Variants in SPON1 observed in about 807,000 individuals in gnomAD.
SPON1 encodes the protein spondin 1, also known as spondin-1.
Under a neutral mutation model 111.7 loss-of-function variants are expected in SPON1, and 52 were observed. That is an observed-to-expected ratio of 0.47 (90% CI 0.37 to 0.59). The LOEUF (loss-of-function observed/expected upper bound fraction) is 0.59, where lower values mean the gene tolerates loss of function less well. Ranked by LOEUF, SPON1 falls within the 20% of genes least tolerant of loss-of-function variation. The pLI is 0.00. For synonymous variants in SPON1, 410 were observed against 395.8 expected, an observed-to-expected ratio of 1.04 and a Z score of -0.43; for missense variants, 957 against 1,068.5, an observed-to-expected ratio of 0.90 and a Z score of 1.46.
chr11:14,156,677 T>C (rs1847850186), intron 6 of SPON1, among the ~76,000 whole-genome samples: 1 of 152,130 alleles, frequency 6.6e-6, no homozygotes, highest in Non-Finnish European at 1.5e-5. Flanking sequence ...TTGTCTAAGG[T>C]GTAAGGAAGG....
chr11:14,261,428 C>T (rs1849181467), intron 14 of SPON1, among the ~76,000 whole-genome samples: 1 of 152,236 alleles, frequency 6.6e-6, no homozygotes, highest in Non-Finnish European at 1.5e-5. Context: ...CCTCCCTCCC[C>T]TAGCTAGTAA....
chr11:14,267,770 A>G lies in SPON1; in HGVS notation c.*2083A>G, dbSNP rs538176872. On this transcript the variant is annotated 3_prime_UTR_variant, in exon 16 of 16. Coordinates refer to ENST00000576479, the MANE Select transcript of SPON1 (RefSeq NM_006108.4). ...TAGGTGGTTTATAGTTCTTTTGGCT[A>G]ACAAATCATTTTGGAAATAAAGATT... The G allele has an allele frequency of 6.6e-5, 10 of 152,350 alleles. No homozygotes were observed. The highest frequency in any genetic ancestry group is 2.4e-4 in the African/African-American group (10 of 41,564). The allele number at this position is 152,350 out of a possible 1,614,324, so 9.4% of individuals were successfully genotyped here.
At chr11:14,171,863 G>A (rs1848105704) in intron 6 of SPON1, among the ~76,000 whole-genome samples, 2 of 152,184 alleles carry the variant, frequency 1.3e-5, no homozygotes, top group Non-Finnish European at 2.9e-5. Flanking sequence ...GAGACAGTTT[G>A]TTATAATTTC....
At chr11:14,150,249 T>A (rs1306543479) in intron 6 of SPON1, among the ~76,000 whole-genome samples, 1 of 152,038 alleles carries the variant, frequency 6.6e-6, no homozygotes, top group Non-Finnish European at 1.5e-5. Context: ...ATGCTCTCAC[T>A]CATATGTGGG....
chr11:14,216,546 C>T (rs1848628474), intron 6 of SPON1, among the ~76,000 whole-genome samples: 1 of 152,118 alleles, frequency 6.6e-6, no homozygotes, highest in African/African-American at 2.4e-5. Flanking sequence ...CCACAGTTAG[C>T]TTCATAGTTC....
intron 6 of SPON1, among the ~76,000 whole-genome samples, chr11:14,224,204 C>T (rs571415353): frequency 6.6e-6 from 1 of 152,100 alleles, no homozygotes; most frequent in East Asian, 1.9e-4. Context: ...CCTTGAAGCA[C>T]GGAGAGTGGA....
In SPON1 at chr11:14,135,522, C is replaced by A; in HGVS notation, c.779C>A (p.Ala260Glu). 1 of 1,613,880 alleles carries A rather than the reference C, an allele frequency of 6.2e-7. No individual in the cohort carries two copies. The highest frequency in any genetic ancestry group is 8.5e-7 in the Non-Finnish European group (1 of 1,179,812). Residue 260 changes from alanine (A) to glutamate (E), a missense_variant, in exon 6 of 16, where the codon GCA becomes GAA. Physicochemically the swap from Ala to Glu is moderately radical, Grantham distance 107 (BLOSUM62 -1). This residue lies in a region of SPON1 where 122 missense variants were observed against 143.2 expected (regional missense o/e 0.85). Transcript: ENST00000576479. The surrounding 1 kb of genome is among the most constrained non-coding windows in gnomAD (Gnocchi z 4.4). Reference sequence around the variant, plus strand: ...GCCAGCGAAGGCGTCAAACAAGTTGCAGAATTGGGCTCACCCGTGAAAATG... The same window carrying A: ...GCCAGCGAAGGCGTCAAACAAGTTGAAGAATTGGGCTCACCCGTGAAAATG... The part of the protein sequence containing the change: ...GYASEGVKQV[A>E]ELGSPVKMEE...
At chr11:14,000,617 T>C (rs775170937) in intron 2 of SPON1, among the ~76,000 whole-genome samples, 22 of 152,158 alleles carry the variant, frequency 1.4e-4, no homozygotes, top group African/African-American at 4.6e-4. Context: ...CACTGACTTA[T>C]GGTATTGATA....
At chr11:14,098,565 A>T (rs1034415394) in intron 5 of SPON1, among the ~76,000 whole-genome samples, 6 of 152,076 alleles carry the variant, frequency 3.9e-5, no homozygotes, top group Non-Finnish European at 7.4e-5. Context: ...TGATTTATGG[A>T]AGAGAAAATT....
At chr11:14,148,569 C>A (rs782172918) in intron 6 of SPON1, among the ~76,000 whole-genome samples, 4 of 152,172 alleles carry the variant, frequency 2.6e-5, no homozygotes, top group Non-Finnish European at 4.4e-5. Context: ...CTTGGTAGAT[C>A]GTTCTCCTCC....
intron 3 of SPON1, among the ~76,000 whole-genome samples, chr11:14,060,102 C>A (rs1370541543): frequency 6.6e-6 from 1 of 152,122 alleles, no homozygotes; most frequent in Admixed American, 6.5e-5. Flanking sequence ...CCGCTCTACC[C>A]CCCCAACTAC....
chr11:14,080,050 G>T, intron 5 of SPON1, 29 bp downstream of exon 5: 1 of 1,613,288 alleles, frequency 6.2e-7, no homozygotes, highest in South Asian at 1.1e-5. Flanking sequence ...CTGTGGTTTG[G>T]GGAAAAGCAC....
intron 6 of SPON1, among the ~76,000 whole-genome samples, chr11:14,149,596 TG>T (rs1847764744): frequency 6.6e-6 from 1 of 152,212 alleles, no homozygotes; most frequent in Non-Finnish European, 1.5e-5. Context: ...CACCACTCAC[TG>T]ACTGACACAG....
rs1473826039 is a variant in SPON1, at chr11:14,133,266, C to G, written c.677-2154C>G. Among the ~76,000 whole-genome samples the G allele has an allele frequency of 2.0e-5, 3 of 152,172 alleles. No homozygotes were observed. The East Asian group carries it at 5.8e-4, about 29-fold the overall frequency. On this transcript the variant is annotated intron_variant, in intron 5 of 15. Coordinates refer to ENST00000576479, the MANE Select transcript of SPON1 (RefSeq NM_006108.4). Reference sequence around the variant, plus strand: ...CCCATTTGATTGTTTGGATGAAATGCTTCTGGAAACATATACTGAGCACTA... The same window carrying G: ...CCCATTTGATTGTTTGGATGAAATGGTTCTGGAAACATATACTGAGCACTA...
rs555976662 is a variant in SPON1, at chr11:14,256,817, G to A, written c.1309+125G>A. ...TTGACTTGGTAATCATATCTCTGAG[G>A]ATTTCTCCTCAAGAAATAATCAAAA... On this transcript the variant is annotated intron_variant, in intron 10 of 15. Coordinates refer to ENST00000576479, the MANE Select transcript of SPON1 (RefSeq NM_006108.4). 121 of 722,498 alleles carry A rather than the reference G, an allele frequency of 1.7e-4. No individual in the cohort carries two copies. The South Asian group carries it at 2.2e-3, about 13-fold the overall frequency. The allele number at this position is 722,498 out of a possible 1,614,324, so 44.8% of individuals were successfully genotyped here. A position where few individuals can be genotyped will look rare whatever the true frequency, so the allele number is the denominator to read the frequency against.
chr11:14,266,004 T>G lies in SPON1; in HGVS notation c.*317T>G, dbSNP rs977019351. On this transcript the variant is annotated 3_prime_UTR_variant, in exon 16 of 16. Coordinates refer to ENST00000576479, the MANE Select transcript of SPON1 (RefSeq NM_006108.4). ...GACGGAGACTTTGACCTACTCCACA[T>G]GGAGAGGCAACCATGTCTGGAAGTG... 1 of 230,682 alleles carries G rather than the reference T, an allele frequency of 4.3e-6. No homozygotes were observed. Among genetic ancestry groups the G allele is most frequent in the Non-Finnish European group, 8.6e-6 (1 of 115,918 alleles). The allele number at this position is 230,682 out of a possible 1,614,324, so 14.3% of individuals were successfully genotyped here. A position where few individuals can be genotyped will look rare whatever the true frequency, so the allele number is the denominator to read the frequency against.
At chr11:14,180,070 A>G (rs1848220846) in intron 6 of SPON1, among the ~76,000 whole-genome samples, 1 of 152,092 alleles carries the variant, frequency 6.6e-6, no homozygotes, top group South Asian at 2.1e-4. Context: ...ATCTTCCATG[A>G]GGCTTGCACA....
chr11:13,988,139 T>G (rs1294815795), intron 2 of SPON1, among the ~76,000 whole-genome samples: 35 of 152,216 alleles, frequency 2.3e-4, no homozygotes, highest in Admixed American at 2.2e-3. Flanking sequence ...TAAATTACTT[T>G]GGGCAGTATG....
In SPON1 at chr11:14,194,963, C is replaced by T. The variant is rs971040944; in HGVS notation, c.826-48369C>T. Among the ~76,000 whole-genome samples, 38 of 152,082 alleles carry T rather than the reference C, an allele frequency of 2.5e-4. 1 individual carries two copies. The highest frequency in any genetic ancestry group is 2.3e-3 in the Admixed American group (35 of 15,262). The stretch of plus-strand genomic sequence containing the variant: ...TGAAAATGCTAGAGGGGGCAGTCTA[C>T]GTGAAATGTTTACATGATAATCTTT... On this transcript the variant is annotated intron_variant, in intron 6 of 15. Coordinates refer to ENST00000576479, the MANE Select transcript of SPON1 (RefSeq NM_006108.4).
Sources: gnomAD v4.1 joint callset for allele counts (sites outside exome capture counted in the v4.1 genomes callset) on GRCh38, gnomAD v4.1.1 for gene constraint, gnomAD v4.1.1 regional missense constraint, Gnocchi (gnomAD v3.1) non-coding constraint, MANE v1.5 for transcripts, NCBI Gene and HGNC (gene_info 2026-07-23, HGNC 2026-07-21) for gene names.